The following ARHGAP42 variants were observed in gnomAD, a reference collection of about 807,000 sequenced individuals.
ARHGAP42 encodes rho GTPase-activating protein 42.
Under a neutral mutation model 125.0 loss-of-function variants are expected in ARHGAP42, and 63 were observed. The observed-to-expected ratio is 0.50, with a 90% confidence interval of 0.41 to 0.62. The LOEUF is 0.62. Ranked by LOEUF, ARHGAP42 falls within the 20% of genes least tolerant of loss-of-function variation. ARHGAP42 has a pLI of 0.00. For missense variants in ARHGAP42, 766 were observed against 1,024.2 expected (o/e 0.75, Z 3.44); for synonymous variants, 339 against 351.0 (o/e 0.97, Z 0.38).
intron 3 of ARHGAP42, among the ~76,000 whole-genome samples, chr11:100,829,354 T>C (rs908546357): frequency 6.8e-6 from 1 of 147,980 alleles, no homozygotes; most frequent in African/African-American, 2.5e-5. Context: ...AGCAAGACCC[T>C]GTCTTCAAAA....
chr11:100,710,866 G>A (rs181358800), intron 1 of ARHGAP42, among the ~76,000 whole-genome samples: 11 of 152,122 alleles, frequency 7.2e-5, no homozygotes, highest in African/African-American at 1.2e-4. Flanking sequence ...AGAAAATCTC[G>A]TAGGGTGCCT....
intron 4 of ARHGAP42, among the ~76,000 whole-genome samples, chr11:100,875,529 G>A (rs993072490): frequency 6.6e-6 from 1 of 152,178 alleles, no homozygotes; most frequent in African/African-American, 2.4e-5. Context: ...ACTGACACTG[G>A]GGGGAGGGTT....
intron 14 of ARHGAP42, 99 bp downstream of exon 14, chr11:100,961,088 A>T: frequency 1.4e-6 from 1 of 740,250 alleles, no homozygotes; most frequent in Non-Finnish European, 2.0e-6. Context: ...AATATTTTCA[A>T]ATAATATTTA....
intron 4 of ARHGAP42, among the ~76,000 whole-genome samples, chr11:100,869,517 A>C (rs543030418): frequency 6.6e-6 from 1 of 151,998 alleles, no homozygotes; most frequent in Admixed American, 6.5e-5. Flanking sequence ...ACCAAATGAC[A>C]TTTCCTAGAA....
At chr11:100,852,786 C>G (rs1047462321) in intron 3 of ARHGAP42, among the ~76,000 whole-genome samples, 3 of 152,132 alleles carry the variant, frequency 2.0e-5, no homozygotes, top group Non-Finnish European at 4.4e-5. Context: ...TTCTATAGTA[C>G]TAACAAACAT....
rs1291550847 is a variant in ARHGAP42, at chr11:100,913,528, A to G, written c.461A>G (p.Lys154Arg). The change falls in exon 5 of 24, where the codon AAG becomes AGG. Residue 154 changes from lysine (K) to arginine (R), a missense_variant. Lys to Arg is a conservative substitution (Grantham distance 26, BLOSUM62 2). This residue lies in a region of ARHGAP42 where 455 missense variants were observed against 636.5 expected (regional missense o/e 0.71). Coordinates refer to ENST00000298815, the MANE Select transcript of ARHGAP42 (RefSeq NM_152432.4). Reference sequence around the variant, plus strand: ...GAAAAGCATTTAAATTTGTCCGCAAAGAAAAAGGAGTCTCATTTACAAGAG... The same window carrying G: ...GAAAAGCATTTAAATTTGTCCGCAAGGAAAAAGGAGTCTCATTTACAAGAG... ...ILEKHLNLSA[K>R]KKESHLQEAD... 7.7e-7 allele frequency: 1 copy of G among 1,296,736 alleles called. No homozygotes were observed. Among genetic ancestry groups the G allele is most frequent in the Admixed American group, 2.4e-5 (1 of 42,062 alleles). The allele number at this position is 1,296,736 out of a possible 1,614,324, so 80.3% of individuals were successfully genotyped here.
intron 22 of ARHGAP42, among the ~76,000 whole-genome samples, chr11:100,982,708 T>C (rs893822148): frequency 9.2e-5 from 14 of 152,206 alleles, no homozygotes; most frequent in Non-Finnish European, 2.1e-4. Context: ...AATTGAGAAT[T>C]AAGAGCATAA....
intron 10 of ARHGAP42, among the ~76,000 whole-genome samples, 192 bp downstream of exon 10, chr11:100,944,060 A>C (rs1867953405): frequency 6.6e-6 from 1 of 152,096 alleles, no homozygotes; most frequent in South Asian, 2.1e-4. Flanking sequence ...ATGATGCTAG[A>C]AAACAGTAGC....
chr11:100,716,685 T>C (rs926468606), intron 1 of ARHGAP42, among the ~76,000 whole-genome samples: 9 of 152,284 alleles, frequency 5.9e-5, no homozygotes, highest in Admixed American at 3.3e-4. Flanking sequence ...AAAATATAAA[T>C]TTCAGTAGTT....
At chr11:100,855,697 A>G (rs1865307330) in intron 3 of ARHGAP42, among the ~76,000 whole-genome samples, 1 of 152,086 alleles carries the variant, frequency 6.6e-6, no homozygotes, top group Admixed American at 6.6e-5. Context: ...GAAATAGCAA[A>G]AGAAAGTGAC....
At chr11:100,882,330 T>C (rs1481824928) in intron 4 of ARHGAP42, among the ~76,000 whole-genome samples, 1 of 152,186 alleles carries the variant, frequency 6.6e-6, no homozygotes, top group Non-Finnish European at 1.5e-5. Flanking sequence ...TGAATGGTTT[T>C]TCTGTGTCTA....
intron 17 of ARHGAP42, among the ~76,000 whole-genome samples, chr11:100,967,378 T>C (rs1000986769): frequency 1.3e-5 from 2 of 152,254 alleles, no homozygotes; most frequent in Non-Finnish European, 2.9e-5. Flanking sequence ...GGTGGACTTA[T>C]GTATTCATTA....
At position 100,989,093 on chromosome 11, in the gene ARHGAP42, TCAAATA is replaced by T. The variant is rs1247010282; in HGVS notation, c.*294_*299del. ...TCGCTTCCGTAGCAATTGTAGAGTT[TCAAATA>T]CTGTGTTAAATACTGTATCCCAGAA... is the stretch of plus-strand genomic sequence containing the variant. On this transcript the variant is annotated 3_prime_UTR_variant, in exon 24 of 24. Transcript: ENST00000298815. The T allele has an allele frequency of 6.7e-6, 3 of 445,602 alleles. No individual in the cohort carries two copies. Among genetic ancestry groups the T allele is most frequent in the Non-Finnish European group, 1.2e-5 (3 of 250,574 alleles). 27.6% of individuals were successfully genotyped at this position (445,602 alleles called of 1,614,324 possible).
rs1436139438 is a variant in ARHGAP42, at chr11:100,991,116, G to A, written c.*2315G>A. On this transcript the variant is annotated 3_prime_UTR_variant, in exon 24 of 24. Transcript: ENST00000298815. Reference sequence around the variant, plus strand: ...ACAAGCTACAGAAGCACTGATTCAAGTTGTGCTTGTGCTTGAACTTTTAAT... The same window carrying A: ...ACAAGCTACAGAAGCACTGATTCAAATTGTGCTTGTGCTTGAACTTTTAAT... 6 of 152,326 alleles carry A rather than the reference G, an allele frequency of 3.9e-5. No individual in the cohort carries two copies. The highest frequency in any genetic ancestry group is 3.3e-4 in the Admixed American group (5 of 15,284). 9.4% of individuals were successfully genotyped at this position (152,326 alleles called of 1,614,324 possible).
chr11:100,753,353 C>T (rs904041976), intron 1 of ARHGAP42, among the ~76,000 whole-genome samples: 9 of 152,164 alleles, frequency 5.9e-5, no homozygotes, highest in Admixed American at 1.3e-4. Context: ...AATTCCAGGC[C>T]GTCTTTGCTC....
At position 100,712,127 on chromosome 11, in the gene ARHGAP42, C is replaced by G. The variant is rs373277734; in HGVS notation, c.154+24295C>G. On this transcript the variant is annotated intron_variant, in intron 1 of 23. Coordinates refer to ENST00000298815, the MANE Select transcript of ARHGAP42 (RefSeq NM_152432.4). ...TGCCTTTTCTTCCTTTCTAAAGGAA[C>G]CTTGAGTTTTTTCGGGAACACACCT... Among the ~76,000 whole-genome samples, 73 of 152,256 alleles carry G rather than the reference C, an allele frequency of 4.8e-4. No individual in the cohort carries two copies. In the South Asian group the frequency reaches 0.013, roughly 28 times the overall value.
intron 3 of ARHGAP42, among the ~76,000 whole-genome samples, chr11:100,797,212 G>T (rs961707846): frequency 2.6e-4 from 40 of 152,206 alleles, no homozygotes; most frequent in Non-Finnish European, 4.4e-4. Context: ...GCCAAGTGCT[G>T]ATATAGAAGC....
At chr11:100,814,842 A>G (rs1048254633) in intron 3 of ARHGAP42, among the ~76,000 whole-genome samples, 1 of 152,256 alleles carries the variant, frequency 6.6e-6, no homozygotes, top group East Asian at 1.9e-4. Context: ...ACAGTTGAAC[A>G]TAAGATTTGG....
chr11:100,737,919 A>T (rs1862101198), intron 1 of ARHGAP42, among the ~76,000 whole-genome samples: 1 of 152,196 alleles, frequency 6.6e-6, no homozygotes, highest in African/African-American at 2.4e-5. Context: ...CTCAGAAAGT[A>T]GGCACGTGGT....
Sources: allele counts gnomAD v4.1 joint callset (sites outside exome capture counted in the v4.1 genomes callset), GRCh38; gene constraint gnomAD v4.1.1; regional missense constraint gnomAD v4.1.1; transcripts MANE v1.5; gene names NCBI Gene and HGNC (gene_info 2026-07-23, HGNC 2026-07-21).